The following HNF4G variants were observed in gnomAD, a reference collection of about 807,000 sequenced individuals.
HNF4G encodes the protein hepatocyte nuclear factor 4-gamma.
A neutral mutation model predicts 50.9 loss-of-function variants in HNF4G; 21 were observed. That is an observed-to-expected ratio of 0.41 (90% CI 0.29 to 0.59). HNF4G has a LOEUF of 0.59. Among genes scored for constraint, HNF4G ranks in the 20% least tolerant of loss-of-function variants. The probability of loss-of-function intolerance (pLI) is 0.26; values close to 1 mark genes in which losing one functional copy is unlikely to be tolerated. For missense variants in HNF4G, 527 were observed against 559.4 expected, an observed-to-expected ratio of 0.94 and a Z score of 0.58; for synonymous variants, 198 against 185.6, an observed-to-expected ratio of 1.07 and a Z score of -0.54.
chr8:75,466,158 C>T (rs996963320), intron 1 of HNF4G, among the ~76,000 whole-genome samples: 3 of 152,142 alleles, frequency 2.0e-5, no homozygotes, highest in African/African-American at 7.2e-5. Flanking sequence ...TTAAACACCA[C>T]ATTGTCTAAC....
intron 3 of HNF4G, among the ~76,000 whole-genome samples, chr8:75,549,209 A>G (rs1179522986): frequency 3.9e-5 from 6 of 152,216 alleles, no homozygotes; most frequent in African/African-American, 1.4e-4. Context: ...CAAGTTTTAA[A>G]GTTGATATAT....
chr8:75,560,892 A>ATCTT, intron 9 of HNF4G, among the ~76,000 whole-genome samples: 1 of 152,304 alleles, frequency 6.6e-6, no homozygotes, highest in East Asian at 1.9e-4. Flanking sequence ...AAGAAATATA[A>ATCTT]TCTTTATACT....
intron 1 of HNF4G, among the ~76,000 whole-genome samples, chr8:75,416,651 A>C (rs939596735): frequency 6.6e-6 from 1 of 152,202 alleles, no homozygotes; most frequent in Admixed American, 6.5e-5. Context: ...TTGTGTGATC[A>C]GTTCAAAATC....
chr8:75,437,428 T>C (rs1811164412), intron 1 of HNF4G, among the ~76,000 whole-genome samples: 1 of 152,200 alleles, frequency 6.6e-6, no homozygotes, highest in Non-Finnish European at 1.5e-5. Flanking sequence ...GAAATCTATT[T>C]GGAATCAATG....
chr8:75,418,187 G>A (rs1810686726), intron 1 of HNF4G, among the ~76,000 whole-genome samples: 1 of 152,114 alleles, frequency 6.6e-6, no homozygotes, highest in Non-Finnish European at 1.5e-5. Flanking sequence ...GTGTCCTCAT[G>A]TGGCCGCCCC....
At chr8:75,517,653 T>A in intron 2 of HNF4G, among the ~76,000 whole-genome samples, 1 of 152,162 alleles carries the variant, frequency 6.6e-6, no homozygotes, top group Non-Finnish European at 1.5e-5. Flanking sequence ...TCCCATGGCC[T>A]TGGGCAGCTC....
upstream of HNF4G, among the ~76,000 whole-genome samples, chr8:75,538,638 T>C (rs1196196052): frequency 6.6e-6 from 1 of 152,170 alleles, no homozygotes; most frequent in Non-Finnish European, 1.5e-5. Flanking sequence ...CTGAATAACC[T>C]ATGTCTAGTC....
chr8:75,459,422 A>G lies in HNF4G; in HGVS notation c.-143-30667A>G, dbSNP rs72658098. Among the ~76,000 whole-genome samples, 618 of 152,344 alleles carry G rather than the reference A, an allele frequency of 4.1e-3. 4 individuals are homozygous for G. Among genetic ancestry groups the G allele is most frequent in the Middle Eastern group, 0.014 (4 of 294 alleles). ...GCAAAAACTGATTTCTCTGTGCTAT[A>G]CAAATAAACCTACAAAATGTGATCA... On this transcript the variant is annotated intron_variant, in intron 1 of 10. Transcript: ENST00000354370.
intron 1 of HNF4G, among the ~76,000 whole-genome samples, chr8:75,457,123 T>C (rs538036918): frequency 1.3e-5 from 2 of 152,282 alleles, no homozygotes; most frequent in African/African-American, 2.4e-5. Flanking sequence ...AATGAATTGA[T>C]TCAGTCATTT....
chr8:75,558,044 A>T (rs996792472), intron 6 of HNF4G, among the ~76,000 whole-genome samples: 3 of 152,190 alleles, frequency 2.0e-5, no homozygotes, highest in Non-Finnish European at 4.4e-5. Flanking sequence ...TTTAAAAAAA[A>T]AAATCAACCT....
intron 2 of HNF4G, among the ~76,000 whole-genome samples, chr8:75,534,487 T>C (rs1806409776): frequency 6.6e-6 from 1 of 151,916 alleles, no homozygotes. Context: ...ATTTTGTCTA[T>C]CCTAACAGTA....
intron 1 of HNF4G, among the ~76,000 whole-genome samples, chr8:75,479,027 G>A (rs892690489): frequency 5.9e-5 from 9 of 152,074 alleles, no homozygotes; most frequent in African/African-American, 2.2e-4. Flanking sequence ...GGCCGGCAAC[G>A]CATAATTTTA....
chr8:75,500,494 G>A (rs531691814), intron 2 of HNF4G, among the ~76,000 whole-genome samples: 98 of 152,200 alleles, frequency 6.4e-4, no homozygotes, highest in Non-Finnish European at 9.0e-4. Context: ...GTTACCATAT[G>A]ATCTAGCAAT....
At chr8:75,560,017 G>A (rs553109457) in intron 8 of HNF4G, among the ~76,000 whole-genome samples, 1 of 152,178 alleles carries the variant, frequency 6.6e-6, no homozygotes, top group Admixed American at 6.5e-5. Context: ...TGCTATTACA[G>A]TGATCCCAAA....
intron 2 of HNF4G, among the ~76,000 whole-genome samples, chr8:75,508,773 G>C (rs1007368511): frequency 6.6e-6 from 1 of 152,104 alleles, no homozygotes; most frequent in Admixed American, 6.5e-5. Flanking sequence ...TAATATTGAA[G>C]GTTAGAGGGG....
Position 75,556,035 on chromosome 8 carries a change from G to A in HNF4G, c.699G>A (p.Lys233=), listed in dbSNP as rs770920013. ...AGCACTTACTGCTTGGAGCTACAAA[G>A]AGATCCATGATGTATAAAGATATTT... ...AGEHLLLGAT[K]RSMMYKDILL... is the part of the protein sequence containing the mutation. The change falls in exon 6 of 10, where the codon AAG becomes AAA. Residue 233 remains lysine, a synonymous_variant. Coordinates refer to ENST00000396423, the MANE Select transcript of HNF4G (RefSeq NM_004133.5). The A allele has an allele frequency of 6.3e-7, 1 of 1,585,152 alleles. No individual in the cohort carries two copies. The highest frequency in any genetic ancestry group is 2.2e-5 in the East Asian group (1 of 44,654).
At chr8:75,451,573 TC>T (rs200937987) in intron 1 of HNF4G, among the ~76,000 whole-genome samples, 7,598 of 152,260 alleles carry the variant, frequency 0.05, 277 homozygotes, top group African/African-American at 0.091. Context: ...CATTCAGTTT[TC>T]CCCAGCACCA....
Position 75,423,815 on chromosome 8 carries a change from C to CTTTTTTTT in HNF4G, c.-144+15673_-144+15680dup, listed in dbSNP as rs548125507. 2.2e-3 allele frequency among the ~76,000 whole-genome samples: 154 copies of CTTTTTTTT among 71,212 alleles called. 11 individuals are homozygous for CTTTTTTTT. The highest frequency in any genetic ancestry group is 3.7e-3 in the East Asian group (7 of 1,908). 46.7% of individuals were successfully genotyped at this position (71,212 alleles called of 152,430 possible). ...TTGAAACTTTCTGCCAAGTTTCTTTCTTTTTTTTTTTTTTTTTTTTTTTTT... is the reference window on the plus strand; with the variant it reads ...TTGAAACTTTCTGCCAAGTTTCTTTCTTTTTTTTTTTTTTTTTTTTTTTTTTTTTTTTT... On this transcript the variant is annotated intron_variant, in intron 1 of 10. Coordinates refer to the HNF4G transcript ENST00000354370.
intron 2 of HNF4G, among the ~76,000 whole-genome samples, chr8:75,520,283 A>G (rs1012561606): frequency 1.3e-5 from 2 of 152,128 alleles, no homozygotes; most frequent in Non-Finnish European, 2.9e-5. Context: ...GCTCAATAGT[A>G]GTTATGATAT....
Sources: allele counts gnomAD v4.1 joint callset (sites outside exome capture counted in the v4.1 genomes callset), GRCh38; gene constraint gnomAD v4.1.1; transcripts MANE v1.5; gene names NCBI Gene and HGNC (gene_info 2026-07-23, HGNC 2026-07-21).